Variants in RNLS observed in about 807,000 individuals in gnomAD.
RNLS encodes renalase.
A neutral mutation model predicts 39.8 loss-of-function variants in RNLS; 39 were observed. That is an observed-to-expected ratio of 0.98 (90% CI 0.76 to 1.28). The LOEUF is 1.28. RNLS is among the 50% of genes most tolerant of loss of function. The pLI is 0.00. For missense variants in RNLS, 410 were observed against 413.3 expected (o/e 0.99, Z 0.07); for synonymous variants, 147 against 150.7 (o/e 0.98, Z 0.18).
intron 4 of RNLS, among the ~76,000 whole-genome samples, chr10:88,379,665 AG>A (rs1589692172): frequency 6.6e-6 from 1 of 152,222 alleles, no homozygotes; most frequent in Non-Finnish European, 1.5e-5. Context: ...ATCAAGAGGT[AG>A]GGTCTATATC....
chr10:88,424,003 A>C (rs369970236), intron 4 of RNLS, among the ~76,000 whole-genome samples: 9 of 151,976 alleles, frequency 5.9e-5, no homozygotes, highest in African/African-American at 1.7e-4. Flanking sequence ...TGTTTTTCTT[A>C]TCTCTCATGT....
At chr10:88,220,971 C>T in the RNLS span, among the ~76,000 whole-genome samples, 12 of 152,252 alleles carry the variant, frequency 7.9e-5, no homozygotes, top group African/African-American at 2.9e-4. Context: ...AGTTTGAGGT[C>T]GTCTAAGTGC....
chr10:88,440,893 TAAAC>T (rs1334527026), intron 4 of RNLS, among the ~76,000 whole-genome samples: 1 of 152,016 alleles, frequency 6.6e-6, no homozygotes, highest in Non-Finnish European at 1.5e-5. Context: ...GAGGGGTGGA[TAAAC>T]AAACAAATTC....
chr10:88,183,300 A>T, the RNLS span, among the ~76,000 whole-genome samples: 1 of 152,166 alleles, frequency 6.6e-6, no homozygotes, highest in Non-Finnish European at 1.5e-5. Flanking sequence ...GTCAGCTAAT[A>T]TGTGAAATTG....
intron 4 of RNLS, among the ~76,000 whole-genome samples, chr10:88,391,403 C>T (rs1298892680): frequency 6.6e-6 from 1 of 152,016 alleles, no homozygotes; most frequent in African/African-American, 2.4e-5. Flanking sequence ...ACTAAAAATA[C>T]AAAAATTAGC....
Position 88,362,154 on chromosome 10 carries a change from G to A in RNLS, c.700+398C>T, listed in dbSNP as rs185082253. Among the ~76,000 whole-genome samples the A allele has an allele frequency of 5.8e-3, 878 of 151,898 alleles. 12 individuals are homozygous for A. Among genetic ancestry groups the A allele is most frequent in the African/African-American group, 0.02 (821 of 41,398 alleles). ...TAAAATTCTCCTTTAATTTCTAGCC[G>A]AGGGAGTGGAAGAGCAGCACTTATC... On this transcript the variant is annotated intron_variant, in intron 5 of 6. Transcript: ENST00000331772.
the RNLS span, among the ~76,000 whole-genome samples, chr10:88,195,121 GCTTGGT>G: frequency 1.3e-5 from 2 of 152,174 alleles, no homozygotes; most frequent in Non-Finnish European, 2.9e-5. Flanking sequence ...TTTTCAAAAT[GCTTGGT>G]CTGTGCGTCT....
chr10:88,378,253 A>AAAAT (rs1851185106), intron 4 of RNLS, among the ~76,000 whole-genome samples: 1 of 152,166 alleles, frequency 6.6e-6, no homozygotes, highest in Non-Finnish European at 1.5e-5. Context: ...ATAATGATAA[A>AAAAT]AAATATGGTA....
chr10:88,459,731 T>G (rs1312254738), intron 4 of RNLS, among the ~76,000 whole-genome samples: 1 of 152,200 alleles, frequency 6.6e-6, no homozygotes, highest in Non-Finnish European at 1.5e-5. Context: ...CTCCATTGAC[T>G]TCTTTCCAGC....
intron 4 of RNLS, among the ~76,000 whole-genome samples, chr10:88,419,378 A>AC (rs1854239971): frequency 1.3e-5 from 2 of 152,310 alleles, no homozygotes; most frequent in South Asian, 4.1e-4. Flanking sequence ...CTGCCAGAAG[A>AC]CTAGTCTATC....
At chr10:88,190,099 G>A in the RNLS span, among the ~76,000 whole-genome samples, 1 of 152,186 alleles carries the variant, frequency 6.6e-6, no homozygotes, top group Non-Finnish European at 1.5e-5. Flanking sequence ...CCACTCTTTG[G>A]TACTCTTTCT....
chr10:88,205,243 C>T, the RNLS span, among the ~76,000 whole-genome samples: 1 of 152,060 alleles, frequency 6.6e-6, no homozygotes, highest in Admixed American at 6.6e-5. Flanking sequence ...AAAAAGTAAA[C>T]TAAAATGGAA....
chr10:88,474,452 C>T (rs1462980722), intron 4 of RNLS, among the ~76,000 whole-genome samples: 1 of 152,160 alleles, frequency 6.6e-6, no homozygotes, highest in African/African-American at 2.4e-5. Context: ...GCAGCATTCC[C>T]ACCTCCAGTA....
At chr10:88,473,373 T>C (rs1158806564) in intron 4 of RNLS, among the ~76,000 whole-genome samples, 1 of 152,150 alleles carries the variant, frequency 6.6e-6, no homozygotes, top group Non-Finnish European at 1.5e-5. Flanking sequence ...GTGTTTCAAA[T>C]GTAGGCACTT....
At chr10:88,435,007 A>C (rs1298521218) in intron 4 of RNLS, among the ~76,000 whole-genome samples, 1 of 151,954 alleles carries the variant, frequency 6.6e-6, no homozygotes, top group African/African-American at 2.4e-5. Context: ...GACTGGAGGA[A>C]ACTGTGCCCC....
At chr10:88,525,271 A>G (rs1435662196) in intron 4 of RNLS, among the ~76,000 whole-genome samples, 1 of 151,650 alleles carries the variant, frequency 6.6e-6, no homozygotes, top group Non-Finnish European at 1.5e-5. Flanking sequence ...GTAACTTCAC[A>G]TTTTTTCACT....
At chr10:88,441,171 G>A (rs1841688117) in intron 4 of RNLS, among the ~76,000 whole-genome samples, 1 of 152,066 alleles carries the variant, frequency 6.6e-6, no homozygotes, top group Non-Finnish European at 1.5e-5. Context: ...TCTTTTCTAT[G>A]CCTATTAACG....
chr10:88,439,991 G>A (rs1006399503), intron 4 of RNLS, among the ~76,000 whole-genome samples: 15 of 152,096 alleles, frequency 9.9e-5, no homozygotes, highest in African/African-American at 3.6e-4. Context: ...TTCATGAACT[G>A]CTTGTTATAT....
At chr10:88,187,601 A>G in the RNLS span, among the ~76,000 whole-genome samples, 1 of 152,166 alleles carries the variant, frequency 6.6e-6, no homozygotes, top group Admixed American at 6.5e-5. Flanking sequence ...CAGCAATAAG[A>G]TTTAAGCAGA....
Sources: gnomAD v4.1 joint callset for allele counts (sites outside exome capture counted in the v4.1 genomes callset) on GRCh38, gnomAD v4.1.1 for gene constraint, MANE v1.5 for transcripts, NCBI Gene and HGNC (gene_info 2026-07-23, HGNC 2026-07-21) for gene names.